The following GPC6 variants were observed in gnomAD, a reference collection of about 807,000 sequenced individuals.
GPC6 encodes the protein glypican 6, also known as glypican-6.
A neutral mutation model predicts 55.2 loss-of-function variants in GPC6; 14 were observed. The ratio of observed to expected loss-of-function variants is 0.25; its 90% CI spans 0.17 to 0.40. The LOEUF (loss-of-function observed/expected upper bound fraction) is 0.40, where lower values mean the gene tolerates loss of function less well. GPC6 is among the 10% of genes least tolerant of loss of function. The pLI is 1.00. For missense variants in GPC6, 641 were observed against 708.5 expected (o/e 0.90, Z 1.08); for synonymous variants, 278 against 259.6 (o/e 1.07, Z -0.68).
At chr13:94,351,251 T>C (rs1199829488) in intron 6 of GPC6, among the ~76,000 whole-genome samples, 2 of 151,568 alleles carry the variant, frequency 1.3e-5, no homozygotes. Context: ...TGGCAATTTT[T>C]CCCCAAGCTT....
chr13:93,738,600 T>G (rs2138845733), intron 2 of GPC6, among the ~76,000 whole-genome samples: 1 of 152,260 alleles, frequency 6.6e-6, no homozygotes, highest in African/African-American at 2.4e-5. Context: ...ATGGTTAACA[T>G]TATAATAGTC....
In GPC6 at chr13:94,114,266, T is replaced by A. The variant is rs530603739; in HGVS notation, c.877+86372T>A. ...GTAGTCTTCTCTCTCAAAAATGGAA[T>A]GTTTCTTGTCTTTGGAAACTCCAAG... On this transcript the variant is annotated intron_variant, in intron 4 of 8. Transcript: ENST00000377047. 3.3e-5 allele frequency among the ~76,000 whole-genome samples: 5 copies of A among 152,164 alleles called. No homozygotes were observed. The South Asian group carries it at 1.0e-3, about 32-fold the overall frequency.
Position 93,715,696 on chromosome 13 carries a change from C to T in GPC6, c.320-114458C>T, listed in dbSNP as rs147366690. On this transcript the variant is annotated intron_variant, in intron 2 of 8. Coordinates refer to ENST00000377047, the MANE Select transcript of GPC6 (RefSeq NM_005708.5). ...AGAAATAGTTTAATTGTAAGCTATG[C>T]GATTATGAACCATTTTACTTAAATT... Among the ~76,000 whole-genome samples, 731 of 151,634 alleles carry T rather than the reference C, an allele frequency of 4.8e-3. 7 individuals carry two copies. Among genetic ancestry groups the T allele is most frequent in the African/African-American group, 0.017 (695 of 41,432 alleles).
chr13:93,557,300 C>T (rs1184223859), intron 2 of GPC6, among the ~76,000 whole-genome samples: 2 of 152,168 alleles, frequency 1.3e-5, no homozygotes, highest in Non-Finnish European at 2.9e-5. Context: ...CTTCGGACTG[C>T]TTTTTCCATA....
At chr13:93,733,451 T>C (rs1463229418) in intron 2 of GPC6, among the ~76,000 whole-genome samples, 1 of 151,604 alleles carries the variant, frequency 6.6e-6, no homozygotes, top group Admixed American at 6.6e-5. Context: ...AATGTCACTG[T>C]GTATTAGATG....
rs78855997 is a variant in GPC6 at position 93,514,516 on chromosome 13, A to G, written c.161-30747A>G. On this transcript the variant is annotated intron_variant, in intron 1 of 8. Coordinates refer to ENST00000377047, the MANE Select transcript of GPC6 (RefSeq NM_005708.5). ...CTTTGAGGCTGTATTGTAAATACAC[A>G]GTGAGTATAATTTATCTTTTCAGAG... is the stretch of plus-strand genomic sequence containing the variant. Among the ~76,000 whole-genome samples the G allele has an allele frequency of 7.5e-3, 1,142 of 152,336 alleles. 4 individuals carry two copies. Among genetic ancestry groups the G allele is most frequent in the Non-Finnish European group, 0.013 (859 of 68,040 alleles).
chr13:94,323,447 T>C (rs1451771207), intron 6 of GPC6, among the ~76,000 whole-genome samples: 1 of 152,200 alleles, frequency 6.6e-6, no homozygotes, highest in African/African-American at 2.4e-5. Flanking sequence ...ATAACAATCA[T>C]AGATTAAGCT....
At chr13:93,936,814 T>G (rs1487981813) in intron 3 of GPC6, among the ~76,000 whole-genome samples, 1 of 152,228 alleles carries the variant, frequency 6.6e-6, no homozygotes, top group Admixed American at 6.5e-5. Context: ...CTTCAGTGAT[T>G]GAATAACATG....
chr13:93,370,695 A>T (rs9524024), intron 1 of GPC6, among the ~76,000 whole-genome samples: 1 of 152,030 alleles, frequency 6.6e-6, no homozygotes, highest in Admixed American at 6.6e-5. Context: ...CACATACAGC[A>T]GGCAAATTAC....
chr13:94,075,150 A>G (rs977255799), intron 4 of GPC6, among the ~76,000 whole-genome samples: 1 of 152,250 alleles, frequency 6.6e-6, no homozygotes, highest in Non-Finnish European at 1.5e-5. Context: ...TGAAGTCATA[A>G]CCAATTTATG....
At chr13:93,689,217 A>T (rs1882162705) in intron 2 of GPC6, among the ~76,000 whole-genome samples, 2 of 152,022 alleles carry the variant, frequency 1.3e-5, no homozygotes, top group South Asian at 4.1e-4. Context: ...AACAAAATTA[A>T]AATTGAAGTA....
intron 3 of GPC6, among the ~76,000 whole-genome samples, chr13:93,949,996 C>CT (rs1245898304): frequency 6.6e-6 from 1 of 152,114 alleles, no homozygotes; most frequent in Non-Finnish European, 1.5e-5. Context: ...CCAAAGTGGA[C>CT]TACAGACATG....
chr13:93,913,170 A>G (rs1241834978), intron 3 of GPC6, among the ~76,000 whole-genome samples: 2 of 152,204 alleles, frequency 1.3e-5, no homozygotes, highest in Non-Finnish European at 2.9e-5. Flanking sequence ...CTACATAGAG[A>G]ATGAATTGAA....
intron 4 of GPC6, among the ~76,000 whole-genome samples, chr13:94,199,501 C>T (rs1490251976): frequency 1.3e-5 from 2 of 152,150 alleles, no homozygotes; most frequent in African/African-American, 4.8e-5. Flanking sequence ...CAATAACATT[C>T]ACTCCACGGA....
chr13:93,751,698 T>A (rs1244537839), intron 2 of GPC6, among the ~76,000 whole-genome samples: 1 of 150,698 alleles, frequency 6.6e-6, no homozygotes, highest in Non-Finnish European at 1.5e-5. Flanking sequence ...ATTTTTAAAT[T>A]TTTTTTTTGT....
chr13:94,389,453 T>C (rs1389155719), intron 7 of GPC6, among the ~76,000 whole-genome samples: 1 of 152,130 alleles, frequency 6.6e-6, no homozygotes, highest in Non-Finnish European at 1.5e-5. Context: ...GGTTAGAACT[T>C]TGTCAGGCAG....
At chr13:93,915,908 G>C (rs944041495) in intron 3 of GPC6, among the ~76,000 whole-genome samples, 1 of 152,180 alleles carries the variant, frequency 6.6e-6, no homozygotes, top group African/African-American at 2.4e-5. Context: ...AGAGGAGCTA[G>C]AAGTGTCCTG....
intron 1 of GPC6, among the ~76,000 whole-genome samples, chr13:93,342,954 A>G (rs776289588): frequency 2.0e-5 from 3 of 152,214 alleles, no homozygotes; most frequent in Non-Finnish European, 4.4e-5. Context: ...GGGAATATTA[A>G]AAATGTCTTA....
chr13:93,393,127 T>TATAG lies in GPC6; in HGVS notation c.161-152135_161-152134insTAGA, dbSNP rs1230857277. ...TATTTGATATATATATATATATATA[T>TATAG]AGAGAGAGAGAGAGAGAGAGAGAGA... is the stretch of plus-strand genomic sequence containing the variant. On this transcript the variant is annotated intron_variant, in intron 1 of 8. Coordinates refer to ENST00000377047, the MANE Select transcript of GPC6 (RefSeq NM_005708.5). Among the ~76,000 whole-genome samples the TATAG allele has an allele frequency of 4.7e-3, 416 of 87,598 alleles. 1 individual carries two copies. The highest frequency in any genetic ancestry group is 0.011 in the African/African-American group (285 of 25,388). The allele number at this position is 87,598 out of a possible 152,430, so 57.5% of individuals were successfully genotyped here. A position where few individuals can be genotyped will look rare whatever the true frequency, so the allele number is the denominator to read the frequency against.
Sources: allele counts gnomAD v4.1 joint callset (sites outside exome capture counted in the v4.1 genomes callset), GRCh38; gene constraint gnomAD v4.1.1; transcripts MANE v1.5; gene names NCBI Gene and HGNC (gene_info 2026-07-23, HGNC 2026-07-21).